ANKDD1B: variants seen among roughly 807,000 people sequenced by gnomAD.
ANKDD1B encodes the protein ankyrin repeat and death domain containing 1B.
ANKDD1B carries 57 observed loss-of-function variants against 59.7 expected under a neutral mutation model. That is an observed-to-expected ratio of 0.95 (90% CI 0.77 to 1.19). The LOEUF (loss-of-function observed/expected upper bound fraction) is 1.19. Ranked by LOEUF, ANKDD1B falls within the 50% of genes most tolerant of loss-of-function variation. The probability of loss-of-function intolerance (pLI) is 0.00; values close to 1 mark genes in which losing one functional copy is unlikely to be tolerated. For missense variants in ANKDD1B, 602 were observed against 641.9 expected, an observed-to-expected ratio of 0.94 and a Z score of 0.67; for synonymous variants, 216 against 239.5, an observed-to-expected ratio of 0.90 and a Z score of 0.91.
rs374360223 is a variant in ANKDD1B, at chr5:75,625,678, G to C, written c.428G>C (p.Trp143Ser). ...TTGACAGTAATTCACCTTGCAGCCT[G>C]GTCTGGGAGCCTTGAGGTCATGCTC... ...HGLTVIHLAA[W>S]SGSLEVMLML... The change falls in exon 4 of 14, where the codon TGG (tryptophan) becomes TCG (serine). Residue 143 changes from tryptophan to serine, a missense_variant. By Grantham distance (177) the Trp-to-Ser change is radical (BLOSUM62 -3). This residue lies in a region of ANKDD1B where 317 missense variants were observed against 304.6 expected (regional missense o/e 1.04). Coordinates refer to ENST00000601380, the MANE Select transcript of ANKDD1B (RefSeq NM_001276713.2). 68 of 1,536,342 alleles carry C rather than the reference G, an allele frequency of 4.4e-5. 1 individual carries two copies. The East Asian group carries it at 1.1e-3, about 25-fold the overall frequency.
Position 75,663,536 on chromosome 5 carries a change from C to T in ANKDD1B, c.1191+47C>T, listed in dbSNP as rs1248961886. 2.1e-6 allele frequency: 3 copies of T among 1,456,484 alleles called. No individual in the cohort carries two copies. In the South Asian group the frequency reaches 3.6e-5, roughly 18 times the overall value. 90.2% of individuals were successfully genotyped at this position (1,456,484 alleles called of 1,614,324 possible). A position where few individuals can be genotyped will look rare whatever the true frequency, so the allele number is the denominator to read the frequency against. On this transcript the variant is annotated intron_variant, in intron 11 of 13. Coordinates refer to ENST00000601380, the MANE Select transcript of ANKDD1B (RefSeq NM_001276713.2). ...ACAGCAGGGGCTTTCCTGGCAACAC[C>T]CATCTTCTTGCAGGGGCAATGGGGG...
At chr5:75,633,766 G>C (rs1304459443) in intron 5 of ANKDD1B, among the ~76,000 whole-genome samples, 1 of 152,174 alleles carries the variant, frequency 6.6e-6, no homozygotes, top group Non-Finnish European at 1.5e-5. Flanking sequence ...GTTGAAATTG[G>C]ATCCCCAATC....
At position 75,671,664 on chromosome 5, in the gene ANKDD1B, T is replaced by C. The variant is rs1015937539; in HGVS notation, c.*624T>C. 3.9e-5 allele frequency: 6 copies of C among 152,046 alleles called. No homozygotes were observed. The highest frequency in any genetic ancestry group is 8.8e-5 in the Non-Finnish European group (6 of 68,022). 9.4% of individuals were successfully genotyped at this position (152,046 alleles called of 1,614,324 possible). Reference sequence around the variant, plus strand: ...TTTAAATCACACATTTTGTGTAATATATTACTTAGGAAAGACCAGAAGTAT... The same window carrying C: ...TTTAAATCACACATTTTGTGTAATACATTACTTAGGAAAGACCAGAAGTAT... On this transcript the variant is annotated 3_prime_UTR_variant, in exon 14 of 14. Coordinates refer to ENST00000601380, the MANE Select transcript of ANKDD1B (RefSeq NM_001276713.2).
chr5:75,617,649 C>T (rs896913236), intron 2 of ANKDD1B, among the ~76,000 whole-genome samples: 2 of 152,178 alleles, frequency 1.3e-5, no homozygotes, highest in Non-Finnish European at 2.9e-5. Context: ...GCATAAGCTT[C>T]AGGGCCCTTG....
Position 75,667,002 on chromosome 5 carries a change from A to T in ANKDD1B, c.1393+9A>T, listed in dbSNP as rs1273091854. The T allele has an allele frequency of 4.2e-6, 6 of 1,429,202 alleles. No individual in the cohort carries two copies. Among genetic ancestry groups the T allele is most frequent in the Non-Finnish European group, 5.5e-6 (6 of 1,094,522 alleles). 88.5% of individuals were successfully genotyped at this position (1,429,202 alleles called of 1,614,324 possible). A position where few individuals can be genotyped will look rare whatever the true frequency, so the allele number is the denominator to read the frequency against. ...TGAGGAGCAGTGGTCGGGTGAGTAC[A>T]GACTAGATGATGTGGGCAGGAGGAA... is the stretch of plus-strand genomic sequence containing the variant. On this transcript the variant is annotated intron_variant, in intron 12 of 13. Transcript: ENST00000601380.
intron 7 of ANKDD1B, among the ~76,000 whole-genome samples, chr5:75,646,753 T>C (rs1475752675): frequency 1.0e-5 from 1 of 95,478 alleles, no homozygotes; most frequent in Non-Finnish European, 1.8e-5. Context: ...AAAACTACTT[T>C]AAAGTTCATA....
In ANKDD1B at chr5:75,651,202, G is replaced by A. The variant is rs558309007; in HGVS notation, c.799-1940G>A. 6.6e-5 allele frequency among the ~76,000 whole-genome samples: 10 copies of A among 152,366 alleles called. No homozygotes were observed. In the East Asian group the frequency reaches 1.5e-3, roughly 23 times the overall value. On this transcript the variant is annotated intron_variant, in intron 7 of 13. Transcript: ENST00000601380. ...GAAATAAACCCCACCTCTTGATGAA[G>A]GGAGTGGCAAAGACATATTGCAGAG...
chr5:75,635,260 C>T (rs1298094222), intron 6 of ANKDD1B: 2 of 318,030 alleles, frequency 6.3e-6, no homozygotes, highest in Non-Finnish European at 1.2e-5. Flanking sequence ...ATCAACTCCA[C>T]CCCTCTTCTC....
chr5:75,617,025 C>A lies in ANKDD1B; in HGVS notation c.297+118C>A. ...TGGTGCTGGCTGAGATAAGGGAGAG[C>A]TGCTTTGTTGGTAATCCCGGGGTGT... On this transcript the variant is annotated intron_variant, in intron 2 of 13. Transcript: ENST00000601380. 3 of 535,896 alleles carry A rather than the reference C, an allele frequency of 5.6e-6. No homozygotes were observed. The South Asian group carries it at 9.1e-5, about 16-fold the overall frequency. 33.2% of individuals were successfully genotyped at this position (535,896 alleles called of 1,614,324 possible).
In ANKDD1B at chr5:75,671,272, A is replaced by C. The variant is rs561184769; in HGVS notation, c.*232A>C. On this transcript the variant is annotated 3_prime_UTR_variant, in exon 14 of 14. Coordinates refer to ENST00000601380, the MANE Select transcript of ANKDD1B (RefSeq NM_001276713.2). ...TGTGATTTTCCCATTTCTATCAATC[A>C]TTTGATGTAATCCATGTAATAAGAT... The C allele has an allele frequency of 3.0e-4, 95 of 321,068 alleles. 1 individual carries two copies. The highest frequency in any genetic ancestry group is 6.4e-4 in the Admixed American group (13 of 20,336). The allele number at this position is 321,068 out of a possible 1,614,324, so 19.9% of individuals were successfully genotyped here. A position where few individuals can be genotyped will look rare whatever the true frequency, so the allele number is the denominator to read the frequency against.
At chr5:75,641,623 G>A (rs1774463743) in intron 7 of ANKDD1B, among the ~76,000 whole-genome samples, 1 of 152,098 alleles carries the variant, frequency 6.6e-6, no homozygotes, top group South Asian at 2.1e-4. Flanking sequence ...TCTTTTGATT[G>A]CCAATATATT....
At chr5:75,654,976 C>T (rs973390901) in intron 8 of ANKDD1B, among the ~76,000 whole-genome samples, 1 of 152,156 alleles carries the variant, frequency 6.6e-6, no homozygotes, top group Non-Finnish European at 1.5e-5. Context: ...GGATGCCCCT[C>T]ACCTCCCTCT....
At chr5:75,616,661 T>C (rs1311734785) in intron 1 of ANKDD1B, 143 bp from the exon 2 acceptor site, 1 of 485,656 alleles carries the variant, frequency 2.1e-6, no homozygotes, top group Non-Finnish European at 3.7e-6. Flanking sequence ...TTGTAAGATA[T>C]TGAAGCGAAG....
At chr5:75,643,654 C>T (rs1380613557) in intron 7 of ANKDD1B, among the ~76,000 whole-genome samples, 2 of 43,026 alleles carry the variant, frequency 4.6e-5, no homozygotes, top group African/African-American at 4.7e-4. Context: ...GAGAATGGAA[C>T]CAAGTTGGAA....
intron 5 of ANKDD1B, among the ~76,000 whole-genome samples, chr5:75,632,058 G>C (rs974865055): frequency 1.4e-5 from 2 of 147,722 alleles, no homozygotes; most frequent in Admixed American, 6.8e-5. Context: ...AATGAGCCAA[G>C]ATTGTATCAC....
chr5:75,625,668 C>T lies in ANKDD1B; in HGVS notation c.418C>T (p.Leu140Phe). Residue 140 changes from leucine (L) to phenylalanine (F), a missense_variant, in exon 4 of 14, where the codon CTT becomes TTT. Physicochemically the swap from Leu to Phe is conservative, Grantham distance 22. This residue lies in a region of ANKDD1B where 317 missense variants were observed against 304.6 expected (regional missense o/e 1.04). Transcript: ENST00000601380. Reference protein sequence around the residue: ...ADKHGLTVIHLAAWSGSLEVM... With the variant: ...ADKHGLTVIHFAAWSGSLEVM... Reference sequence around the variant, plus strand: ...GAAGCACGGCTTGACAGTAATTCACCTTGCAGCCTGGTCTGGGAGCCTTGA... The same window carrying T: ...GAAGCACGGCTTGACAGTAATTCACTTTGCAGCCTGGTCTGGGAGCCTTGA... The T allele has an allele frequency of 6.5e-7, 1 of 1,536,400 alleles. No individual in the cohort carries two copies. The highest frequency in any genetic ancestry group is 2.4e-5 in the East Asian group (1 of 40,908).
intron 1 of ANKDD1B, among the ~76,000 whole-genome samples, chr5:75,615,009 A>T (rs976074842): frequency 6.6e-5 from 10 of 152,336 alleles, no homozygotes; most frequent in South Asian, 4.1e-4. Context: ...CTGTTTTTTT[A>T]AAATTACTTA....
intron 8 of ANKDD1B, 82 bp from the exon 9 acceptor site, chr5:75,655,947 T>G: frequency 1.5e-6 from 1 of 659,138 alleles, no homozygotes; most frequent in Non-Finnish European, 2.6e-6. Context: ...CATCAGGAAA[T>G]AGCTGCTGAA....
At chr5:75,618,993 G>A (rs552097559) in intron 2 of ANKDD1B, among the ~76,000 whole-genome samples, 2 of 152,280 alleles carry the variant, frequency 1.3e-5, no homozygotes, top group South Asian at 4.1e-4. Flanking sequence ...TGATCCACCC[G>A]CCTTGGCCTC....
Sources: gnomAD v4.1 joint callset for allele counts (sites outside exome capture counted in the v4.1 genomes callset) on GRCh38, gnomAD v4.1.1 for gene constraint, gnomAD v4.1.1 regional missense constraint, MANE v1.5 for transcripts, NCBI Gene and HGNC (gene_info 2026-07-23, HGNC 2026-07-21) for gene names.